The following AGMO variants were observed in gnomAD, a reference collection of about 807,000 sequenced individuals.
AGMO encodes the protein glyceryl-ether monooxygenase.
In AGMO, 75 loss-of-function variants were observed where a neutral mutation model predicts 60.2. The observed-to-expected ratio is 1.25, with a 90% confidence interval of 1.03 to 1.51. The LOEUF is 1.51. Among genes scored for constraint, AGMO ranks in the 40% most tolerant of loss-of-function variants. AGMO has a pLI of 0.00. For missense variants in AGMO, 763 were observed against 525.5 expected (o/e 1.45, Z -4.42); for synonymous variants, 261 against 177.1 (o/e 1.47, Z -3.76).
At chr7:15,372,024 G>A (rs1783238429) in intron 10 of AGMO, among the ~76,000 whole-genome samples, 1 of 152,034 alleles carries the variant, frequency 6.6e-6, no homozygotes, top group Non-Finnish European at 1.5e-5. Context: ...AAGAAACTGA[G>A]AATATTGAAG....
intron 3 of AGMO, among the ~76,000 whole-genome samples, chr7:15,515,253 C>T (rs949412623): frequency 6.6e-6 from 1 of 152,230 alleles, no homozygotes; most frequent in Non-Finnish European, 1.5e-5. Flanking sequence ...TGACAACTTT[C>T]TCTTTAGTAA....
chr7:15,411,101 G>A (rs1294526098), intron 5 of AGMO, among the ~76,000 whole-genome samples: 1 of 151,788 alleles, frequency 6.6e-6, no homozygotes, highest in Non-Finnish European at 1.5e-5. Flanking sequence ...TGAAGAATGG[G>A]CTCCTGATAA....
chr7:15,459,448 C>T (rs1782079350), intron 3 of AGMO, among the ~76,000 whole-genome samples: 1 of 152,182 alleles, frequency 6.6e-6, no homozygotes, highest in Middle Eastern at 3.4e-3. Context: ...GGTTATGTTC[C>T]GAATGCTCTC....
At chr7:15,173,745 A>G in the AGMO span, among the ~76,000 whole-genome samples, 2 of 151,830 alleles carry the variant, frequency 1.3e-5, no homozygotes, top group Middle Eastern at 6.9e-3. Context: ...AAATTTCCTT[A>G]TTTTACATAG....
intron 3 of AGMO, among the ~76,000 whole-genome samples, chr7:15,456,998 T>C (rs1465756160): frequency 2.0e-5 from 3 of 152,162 alleles, no homozygotes; most frequent in Admixed American, 2.0e-4. Context: ...TTAGCCATAT[T>C]TATTGGAAGC....
intron 3 of AGMO, among the ~76,000 whole-genome samples, chr7:15,532,229 C>A (rs1177751690): frequency 6.6e-6 from 1 of 151,968 alleles, no homozygotes; most frequent in Non-Finnish European, 1.5e-5. Context: ...TATATGTCAC[C>A]ATGATCTAAA....
At position 15,372,605 on chromosome 7, in the gene AGMO, G is replaced by T. The variant is rs551405053; in HGVS notation, c.1075-6383C>A. Among the ~76,000 whole-genome samples, 12 of 151,990 alleles carry T rather than the reference G, an allele frequency of 7.9e-5. No individual in the cohort carries two copies. The South Asian group carries it at 2.3e-3, about 29-fold the overall frequency. ...ATACCACCTTAGTATTTGCCCGTAA[G>T]ACCACTGGCCAACTACACTAGAGCA... On this transcript the variant is annotated intron_variant, in intron 10 of 12. Transcript: ENST00000342526.
chr7:15,259,768 A>C (rs1180285005), intron 12 of AGMO, among the ~76,000 whole-genome samples: 2 of 151,946 alleles, frequency 1.3e-5, no homozygotes, highest in Non-Finnish European at 2.9e-5. Flanking sequence ...CTCCTTAAAC[A>C]AAACAGTTAT....
At chr7:15,124,003 C>G in the AGMO span, among the ~76,000 whole-genome samples, 2 of 152,046 alleles carry the variant, frequency 1.3e-5, no homozygotes, top group Non-Finnish European at 2.9e-5. Context: ...GCATTAGTAC[C>G]TTGTAGTACA....
intron 10 of AGMO, among the ~76,000 whole-genome samples, chr7:15,379,335 T>G (rs1411776178): frequency 6.6e-6 from 1 of 152,062 alleles, no homozygotes; most frequent in Admixed American, 6.6e-5. Flanking sequence ...GGAGCTGTTT[T>G]GGGGAAAACA....
chr7:15,507,464 A>G (rs1783546207), intron 3 of AGMO, among the ~76,000 whole-genome samples: 1 of 152,132 alleles, frequency 6.6e-6, no homozygotes, highest in African/African-American at 2.4e-5. Flanking sequence ...GCATATGTTT[A>G]GCTATACCAC....
At chr7:15,524,365 G>C (rs1583644103) in intron 3 of AGMO, among the ~76,000 whole-genome samples, 1 of 151,992 alleles carries the variant, frequency 6.6e-6, no homozygotes, top group Non-Finnish European at 1.5e-5. Context: ...AATTGATTCA[G>C]ACGATTTTCA....
rs1475497833 is a variant in AGMO, at chr7:15,366,165, A to T, written c.1132T>A (p.Ser378Thr). The T allele has an allele frequency of 1.9e-6, 3 of 1,608,698 alleles. No individual in the cohort carries two copies. The East Asian group carries it at 6.7e-5, about 36-fold the overall frequency. Reference sequence around the variant, plus strand: ...CTTTGATCCAGAAGAAATCCAATGGAAGTCAAGGTCAGGATAATGAAGCAA... The same window carrying T: ...CTTTGATCCAGAAGAAATCCAATGGTAGTCAAGGTCAGGATAATGAAGCAA... ...RVCFIILTLT[S>T]IGFLLDQRPK... Residue 378 changes from serine (S) to threonine (T), a missense_variant, in exon 11 of 13, where the codon TCC (serine) becomes ACC (threonine). Ser to Thr is a moderately conservative substitution (Grantham distance 58). Transcript: ENST00000342526.
intron 12 of AGMO, among the ~76,000 whole-genome samples, chr7:15,265,811 C>A (rs989049196): frequency 2.0e-5 from 3 of 151,952 alleles, no homozygotes; most frequent in African/African-American, 4.8e-5. Context: ...AAAGCCATGT[C>A]TTGAAAAGAT....
Position 15,313,441 on chromosome 7 carries a change from TTCTG to T in AGMO, c.1263+52069_1263+52072del, listed in dbSNP as rs558486903. On this transcript the variant is annotated intron_variant, in intron 12 of 12. Transcript: ENST00000342526. The stretch of plus-strand genomic sequence containing the variant: ...TACTTTGGCCCATATTCAGTCTTAC[TTCTG>T]TCTGTTTCAAAAACCCACATGTTAA... 6.2e-4 allele frequency among the ~76,000 whole-genome samples: 95 copies of T among 152,328 alleles called. 1 individual carries two copies. Among genetic ancestry groups the T allele is most frequent in the Non-Finnish European group, 3.4e-4 (23 of 68,028 alleles).
chr7:15,195,266 A>T, the AGMO span, among the ~76,000 whole-genome samples: 1 of 152,156 alleles, frequency 6.6e-6, no homozygotes, highest in South Asian at 2.1e-4. Flanking sequence ...AACACAAAAG[A>T]AGTGAGTTGA....
chr7:15,230,279 A>T (rs1464132948), intron 12 of AGMO, among the ~76,000 whole-genome samples: 1 of 152,182 alleles, frequency 6.6e-6, no homozygotes, highest in African/African-American at 2.4e-5. Context: ...AAGAGTATAA[A>T]AGTGCTTACA....
intron 6 of AGMO, 22 bp from the exon 7 acceptor site, chr7:15,390,927 A>G (rs368972384): frequency 1.2e-4 from 184 of 1,487,750 alleles, no homozygotes; most frequent in Non-Finnish European, 1.6e-4. Context: ...AATATTAGAA[A>G]TTTTTTTTCA....
At position 15,386,688 on chromosome 7, in the gene AGMO, T is replaced by C. The variant is rs146422987; in HGVS notation, c.957+718A>G. On this transcript the variant is annotated intron_variant, in intron 9 of 12. Transcript: ENST00000342526. ...CATCACAGGCTAACTTTTGTACACA[T>C]AGTATCATCCTTGAAATTAAGAGTA... Among the ~76,000 whole-genome samples the C allele has an allele frequency of 3.2e-4, 48 of 152,310 alleles. No individual in the cohort carries two copies. In the East Asian group the frequency reaches 6.2e-3, roughly 20 times the overall value.
Sources: allele counts gnomAD v4.1 joint callset (sites outside exome capture counted in the v4.1 genomes callset), GRCh38; gene constraint gnomAD v4.1.1; transcripts MANE v1.5; gene names NCBI Gene and HGNC (gene_info 2026-07-23, HGNC 2026-07-21).